The following NIPBL variants were observed in gnomAD, a reference collection of about 807,000 sequenced individuals.
NIPBL encodes the protein nipped-B-like protein.
NIPBL carries 19 observed loss-of-function variants against 321.8 expected under a neutral mutation model. The ratio of observed to expected loss-of-function variants is 0.06; its 90% CI spans 0.04 to 0.09. The LOEUF is 0.09. Ranked by LOEUF, NIPBL falls within the 10% of genes least tolerant of loss-of-function variation. The pLI, the probability that NIPBL is intolerant of heterozygous loss-of-function variation, is 1.00. For missense variants in NIPBL, 2,210 were observed against 3,327.0 expected, an observed-to-expected ratio of 0.66 and a Z score of 8.26; for synonymous variants, 1,106 against 1,114.1, an observed-to-expected ratio of 0.99 and a Z score of 0.14.
intron 1 of NIPBL, among the ~76,000 whole-genome samples, chr5:36,931,330 T>G (rs1030664483): frequency 2.6e-5 from 4 of 152,118 alleles, no homozygotes; most frequent in Non-Finnish European, 5.9e-5. Flanking sequence ...CTTTTTTTAT[T>G]TTTTTGAAAA....
intron 32 of NIPBL, among the ~76,000 whole-genome samples, chr5:37,036,030 T>C: frequency 6.6e-6 from 1 of 152,106 alleles, no homozygotes; most frequent in East Asian, 1.9e-4. Flanking sequence ...ACTAGTATTA[T>C]GTGATACTGT....
At chr5:36,958,004 C>A (rs2149602748) in intron 3 of NIPBL, 100 bp from the exon 4 acceptor site, 13 of 1,069,498 alleles carry the variant, frequency 1.2e-5, no homozygotes, top group Non-Finnish European at 1.5e-5. Context: ...AAAAAAAATT[C>A]ATATTGTTGG....
chr5:36,894,500 A>G (rs531491137), intron 1 of NIPBL, among the ~76,000 whole-genome samples: 47 of 152,304 alleles, frequency 3.1e-4, no homozygotes, highest in East Asian at 7.7e-4. Context: ...TCGTATATAC[A>G]AATATATCCT....
intron 8 of NIPBL, 27 bp downstream of exon 8, chr5:36,972,068 T>C: frequency 2.8e-6 from 4 of 1,445,852 alleles, no homozygotes; most frequent in Non-Finnish European, 3.9e-6. Flanking sequence ...AATTTCCTTC[T>C]GTATATTTTA....
chr5:36,922,928 T>C (rs1461191407), intron 1 of NIPBL, among the ~76,000 whole-genome samples: 1 of 152,104 alleles, frequency 6.6e-6, no homozygotes, highest in Non-Finnish European at 1.5e-5. Flanking sequence ...TCCAGTATTA[T>C]CTCTGTAAAC....
At chr5:37,043,594 C>T (rs974069213) in intron 34 of NIPBL, among the ~76,000 whole-genome samples, 4 of 151,738 alleles carry the variant, frequency 2.6e-5, no homozygotes, top group African/African-American at 9.7e-5. Context: ...CCTAGCTACT[C>T]GAGAGACTGT....
chr5:36,974,871 A>C (rs1743268410), intron 8 of NIPBL, among the ~76,000 whole-genome samples: 1 of 152,102 alleles, frequency 6.6e-6, no homozygotes, highest in African/African-American at 2.4e-5. Context: ...AAGTTTTTAA[A>C]TATTTTATAG....
chr5:36,958,269 G>A (rs538565693), intron 4 of NIPBL, 38 bp downstream of exon 4: 2 of 1,604,392 alleles, frequency 1.2e-6, no homozygotes, highest in African/African-American at 1.3e-5. Flanking sequence ...TATCAAACTT[G>A]TTTTATACAT....
At position 36,945,394 on chromosome 5, in the gene NIPBL, G is replaced by A. The variant is rs115690624; in HGVS notation, c.-79-8224G>A. On this transcript the variant is annotated intron_variant, in intron 1 of 46. Transcript: ENST00000282516. ...GTTTTGCTTATTGTTTTATTTCTCA[G>A]CAAACATACACATATTTTATAAACT... Among the ~76,000 whole-genome samples, 235 of 152,174 alleles carry A rather than the reference G, an allele frequency of 1.5e-3. 3 individuals are homozygous for A. The highest frequency in any genetic ancestry group is 5.5e-3 in the African/African-American group (230 of 41,514).
At chr5:37,001,856 G>A (rs1746844185) in intron 14 of NIPBL, among the ~76,000 whole-genome samples, 1 of 152,088 alleles carries the variant, frequency 6.6e-6, no homozygotes, top group Non-Finnish European at 1.5e-5. Context: ...ACAATCTTAT[G>A]CCACCTTCAG....
chr5:36,986,800 CAT>C (rs962817743), intron 10 of NIPBL, among the ~76,000 whole-genome samples: 2 of 152,052 alleles, frequency 1.3e-5, no homozygotes, highest in African/African-American at 2.4e-5. Context: ...ATTTTTAAAA[CAT>C]ATCTTTTTGT....
Position 36,917,024 on chromosome 5 carries a change from G to A in NIPBL, c.-79-36594G>A, listed in dbSNP as rs545664038. ...CCTTTGGGTATATACCCAGTAATGG[G>A]ATGGCTGGATCCACTGGTATTTCTA... is the stretch of plus-strand genomic sequence containing the variant. On this transcript the variant is annotated intron_variant, in intron 1 of 46. Transcript: ENST00000282516. Among the ~76,000 whole-genome samples the A allele has an allele frequency of 7.9e-5, 12 of 152,270 alleles. No homozygotes were observed. In the South Asian group the frequency reaches 1.7e-3, roughly 21 times the overall value.
intron 34 of NIPBL, among the ~76,000 whole-genome samples, chr5:37,043,342 A>G (rs979712017): frequency 1.3e-5 from 2 of 152,142 alleles, no homozygotes; most frequent in African/African-American, 4.8e-5. Context: ...AGCCTGGCCA[A>G]GATGGTGAAA....
intron 3 of NIPBL, among the ~76,000 whole-genome samples, chr5:36,957,070 T>C (rs1271324638): frequency 6.6e-6 from 1 of 152,190 alleles, no homozygotes; most frequent in Non-Finnish European, 1.5e-5. Flanking sequence ...GTGAGTCTTA[T>C]CATTGGACAC....
intron 32 of NIPBL, among the ~76,000 whole-genome samples, chr5:37,034,279 A>G (rs1396286535): frequency 6.6e-6 from 1 of 152,210 alleles, no homozygotes; most frequent in Non-Finnish European, 1.5e-5. Flanking sequence ...ATAATAATTG[A>G]GAAAGTATTA....
chr5:36,988,575 G>T (rs570526118), intron 10 of NIPBL, among the ~76,000 whole-genome samples: 1 of 151,994 alleles, frequency 6.6e-6, no homozygotes, highest in African/African-American at 2.4e-5. Flanking sequence ...GCAGAGTTGG[G>T]TAATTGTGGA....
chr5:37,040,034 A>C (rs953172771), intron 34 of NIPBL, among the ~76,000 whole-genome samples: 47 of 152,266 alleles, frequency 3.1e-4, no homozygotes, highest in African/African-American at 1.1e-3. Flanking sequence ...CAGATAAGGA[A>C]ATGAAAGCTT....
chr5:36,934,070 A>G (rs540727484), intron 1 of NIPBL, among the ~76,000 whole-genome samples: 51 of 152,192 alleles, frequency 3.4e-4, no homozygotes, highest in African/African-American at 1.2e-3. Context: ...GTATATGACC[A>G]CCTGGTGTCA....
At chr5:37,051,649 A>C (rs547269914) in intron 40 of NIPBL, 130 bp from the exon 41 acceptor site, 2 of 681,398 alleles carry the variant, frequency 2.9e-6, no homozygotes, top group African/African-American at 3.6e-5. Context: ...AGAACACTAA[A>C]ACATAGACTT....
Sources: gnomAD v4.1 joint callset for allele counts (sites outside exome capture counted in the v4.1 genomes callset) on GRCh38, gnomAD v4.1.1 for gene constraint, MANE v1.5 for transcripts, NCBI Gene and HGNC (gene_info 2026-07-23, HGNC 2026-07-21) for gene names.